OPCML: variants seen among roughly 807,000 people sequenced by gnomAD.
OPCML encodes the protein opioid binding protein/cell adhesion molecule like, also known as opioid-binding protein/cell adhesion molecule.
In OPCML, 13 loss-of-function variants were observed where a neutral mutation model predicts 37.8. That is an observed-to-expected ratio of 0.34 (90% CI 0.22 to 0.55). OPCML has a LOEUF of 0.55. Among genes scored for constraint, OPCML ranks in the 20% least tolerant of loss-of-function variants. OPCML has a pLI of 0.91. For missense variants in OPCML, 341 were observed against 435.6 expected (o/e 0.78, Z 1.93); for synonymous variants, 176 against 168.8 (o/e 1.04, Z -0.33).
intron 1 of OPCML, among the ~76,000 whole-genome samples, chr11:133,237,245 G>A (rs766253262): frequency 6.6e-6 from 1 of 152,240 alleles, no homozygotes; most frequent in Non-Finnish European, 1.5e-5. Context: ...TGCTTCAGAT[G>A]AAAGCACCCA....
At chr11:133,261,200 G>A (rs920084499) in intron 1 of OPCML, among the ~76,000 whole-genome samples, 11 of 152,212 alleles carry the variant, frequency 7.2e-5, no homozygotes, top group Non-Finnish European at 1.5e-4. Flanking sequence ...GTGGGACCCA[G>A]GCCTGAGACT....
chr11:132,551,393 T>C (rs530804223), intron 3 of OPCML, among the ~76,000 whole-genome samples: 9 of 152,232 alleles, frequency 5.9e-5, no homozygotes, highest in African/African-American at 2.2e-4. Context: ...TAGTTTATAG[T>C]TGAAAACAAA....
At chr11:132,977,131 G>A (rs541007965) in intron 1 of OPCML, among the ~76,000 whole-genome samples, 11 of 152,190 alleles carry the variant, frequency 7.2e-5, no homozygotes, top group Non-Finnish European at 1.6e-4. Flanking sequence ...CTATTTGCAA[G>A]GTAGTTGGTA....
At chr11:133,082,856 G>A (rs1381769185) in intron 1 of OPCML, among the ~76,000 whole-genome samples, 3 of 149,752 alleles carry the variant, frequency 2.0e-5, no homozygotes, top group Non-Finnish European at 4.5e-5. Context: ...AGGGTGCCGG[G>A]GGCCCCTCCG....
At chr11:132,627,288 T>G (rs931950775) in intron 3 of OPCML, among the ~76,000 whole-genome samples, 5 of 152,190 alleles carry the variant, frequency 3.3e-5, no homozygotes, top group African/African-American at 1.2e-4. Flanking sequence ...ACATCCTCTT[T>G]AAAATAGAAA....
At chr11:132,686,523 T>C (rs879230463) in intron 2 of OPCML, among the ~76,000 whole-genome samples, 3 of 152,204 alleles carry the variant, frequency 2.0e-5, no homozygotes, top group Admixed American at 2.0e-4. Flanking sequence ...TGTAAAGTCC[T>C]TCCAAAACAT....
intron 1 of OPCML, among the ~76,000 whole-genome samples, chr11:133,310,581 T>C (rs1324937932): frequency 6.6e-6 from 1 of 152,188 alleles, no homozygotes; most frequent in African/African-American, 2.4e-5. Flanking sequence ...AAATGCTTTT[T>C]TGGGCCCTGT....
chr11:132,702,231 T>G (rs1019320614), intron 2 of OPCML, among the ~76,000 whole-genome samples: 3 of 152,200 alleles, frequency 2.0e-5, no homozygotes, highest in African/African-American at 7.2e-5. Flanking sequence ...CATTTGGCAT[T>G]TATTGTAAGG....
chr11:133,345,067 C>T (rs930862349), intron 1 of OPCML, among the ~76,000 whole-genome samples: 5 of 152,148 alleles, frequency 3.3e-5, no homozygotes, highest in African/African-American at 1.2e-4. Context: ...TCACATTGAT[C>T]TCAAATCATA....
At chr11:132,705,492 C>T (rs1943996997) in intron 2 of OPCML, among the ~76,000 whole-genome samples, 1 of 152,024 alleles carries the variant, frequency 6.6e-6, no homozygotes, top group Admixed American at 6.5e-5. Context: ...ACTAAGGTGG[C>T]TGAGGTGGAA....
At chr11:132,511,968 A>T (rs1193532416) in intron 4 of OPCML, among the ~76,000 whole-genome samples, 1 of 152,100 alleles carries the variant, frequency 6.6e-6, no homozygotes, top group Non-Finnish European at 1.5e-5. Flanking sequence ...TTCCGAATAC[A>T]TATAGCTGAC....
intron 2 of OPCML, among the ~76,000 whole-genome samples, chr11:132,782,458 C>A (rs923360068): frequency 1.3e-5 from 2 of 152,228 alleles, no homozygotes; most frequent in Non-Finnish European, 2.9e-5. Flanking sequence ...GAATGCTCAG[C>A]AATGAGAGTG....
At position 133,278,449 on chromosome 11, in the gene OPCML, C is replaced by T. The variant is rs372026628; in HGVS notation, c.61+253815G>A. Among the ~76,000 whole-genome samples the T allele has an allele frequency of 5.9e-5, 9 of 151,958 alleles. No homozygotes were observed. The East Asian group carries it at 7.7e-4, about 13-fold the overall frequency. On this transcript the variant is annotated intron_variant, in intron 1 of 7. Transcript: ENST00000524381. Reference sequence around the variant, plus strand: ...CAATGAAAGGATAATTCTATAAATACGTGGGGCCAGTGGCATTTGATGCAC... The same window carrying T: ...CAATGAAAGGATAATTCTATAAATATGTGGGGCCAGTGGCATTTGATGCAC...
chr11:132,449,486 GTCC>G (rs2096063361), intron 4 of OPCML, among the ~76,000 whole-genome samples: 1 of 152,072 alleles, frequency 6.6e-6, no homozygotes, highest in Middle Eastern at 3.2e-3. Context: ...CCTACTTTCT[GTCC>G]TCCTCGCCTT....
At chr11:133,051,357 C>T (rs993868050) in intron 1 of OPCML, among the ~76,000 whole-genome samples, 2 of 152,122 alleles carry the variant, frequency 1.3e-5, no homozygotes, top group Non-Finnish European at 2.9e-5. Flanking sequence ...CCTGAAGTCT[C>T]CCAACCGAAA....
intron 1 of OPCML, among the ~76,000 whole-genome samples, chr11:133,061,915 T>C (rs1948349671): frequency 6.6e-6 from 1 of 152,014 alleles, no homozygotes; most frequent in South Asian, 2.1e-4. Context: ...GGGTGGGGGC[T>C]GAAAAGTTTG....
chr11:133,530,171 T>A (rs1948575845), intron 1 of OPCML, among the ~76,000 whole-genome samples: 1 of 152,178 alleles, frequency 6.6e-6, no homozygotes, highest in South Asian at 2.1e-4. Context: ...AGGTTCATCC[T>A]CCTTTCCCTC....
intron 2 of OPCML, among the ~76,000 whole-genome samples, chr11:132,761,229 CTTTTTTT>C (rs71067393): frequency 8.2e-6 from 1 of 122,672 alleles, no homozygotes; most frequent in African/African-American, 3.0e-5. Flanking sequence ...CTGCGCTTAA[CTTTTTTT>C]TTTTTTTTTT....
intron 1 of OPCML, among the ~76,000 whole-genome samples, chr11:132,949,399 A>G (rs1234191135): frequency 6.6e-6 from 1 of 152,198 alleles, no homozygotes; most frequent in Non-Finnish European, 1.5e-5. Flanking sequence ...GGAACCCACA[A>G]TTACGGAGAA....
Sources: gnomAD v4.1 joint callset for allele counts (sites outside exome capture counted in the v4.1 genomes callset) on GRCh38, gnomAD v4.1.1 for gene constraint, MANE v1.5 for transcripts, NCBI Gene and HGNC (gene_info 2026-07-23, HGNC 2026-07-21) for gene names.